The following NRP1 variants were observed in gnomAD, a reference collection of about 807,000 sequenced individuals.
The protein encoded by NRP1 is neuropilin-1.
NRP1 carries 35 observed loss-of-function variants against 106.7 expected under a neutral mutation model. That is an observed-to-expected ratio of 0.33 (90% CI 0.25 to 0.43). NRP1 has a LOEUF of 0.43. NRP1 is among the 20% of genes least tolerant of loss of function. The pLI is 1.00. For synonymous variants in NRP1, 437 were observed against 417.9 expected, an observed-to-expected ratio of 1.05 and a Z score of -0.56; for missense variants, 1,024 against 1,170.4, an observed-to-expected ratio of 0.87 and a Z score of 1.83.
chr10:33,263,709 T>G lies in NRP1; in HGVS notation c.595A>C (p.Asn199His), dbSNP rs1842731254. 1.2e-6 allele frequency: 2 copies of G among 1,614,196 alleles called. No homozygotes were observed. The highest frequency in any genetic ancestry group is 4.5e-5 in the East Asian group (2 of 44,872). Residue 199 changes from asparagine to histidine, a missense_variant, in exon 4 of 17, where the codon AAT becomes CAT. Asn to His is a moderately conservative substitution (Grantham distance 68). Around this residue, in one of 5 missense-constraint regions of NRP1, gnomAD observed 279 missense variants for 327.4 expected, o/e 0.85. Transcript: ENST00000374867. ...FESFDLEPDS[N>H]PPGGMFCRYD... ...CGACAGAACATCCCCCCTGGAGGAT[T>G]TGAGTCAGGCTCCAGGTCAAAGCTT...
chr10:33,238,933 A>G (rs3222381), intron 6 of NRP1, among the ~76,000 whole-genome samples: 15 of 112,192 alleles, frequency 1.3e-4, no homozygotes, highest in East Asian at 3.0e-4. Flanking sequence ...GTGTGTGTGT[A>G]TGTGTGCGCA....
At chr10:33,255,477 C>T (rs1842135229) in intron 5 of NRP1, among the ~76,000 whole-genome samples, 1 of 152,080 alleles carries the variant, frequency 6.6e-6, no homozygotes, top group Admixed American at 6.6e-5. Context: ...GTTCTTGAGA[C>T]TGGGTCTCAC....
chr10:33,249,093 T>G (rs980142255), intron 6 of NRP1, among the ~76,000 whole-genome samples: 4 of 146,720 alleles, frequency 2.7e-5, no homozygotes, highest in Non-Finnish European at 4.5e-5. Flanking sequence ...TGTTTTTTTT[T>G]TTTTTTTTTT....
At chr10:33,316,146 A>C (rs533453389) in intron 2 of NRP1, among the ~76,000 whole-genome samples, 33 of 152,332 alleles carry the variant, frequency 2.2e-4, no homozygotes, top group Admixed American at 3.9e-4. Context: ...AAGAAGGAGG[A>C]AAACCTCTTC....
chr10:33,178,315 G>C lies in NRP1; in HGVS notation c.*1761C>G, dbSNP rs758675069. On this transcript the variant is annotated 3_prime_UTR_variant, in exon 17 of 17. Coordinates refer to ENST00000374867, the MANE Select transcript of NRP1 (RefSeq NM_003873.7). ...CCAAAACCAACCAAAGCTTCTTTGG[G>C]TTAATTCATAGGCTGCCTGGTAAGA... 6.6e-6 allele frequency: 1 copy of C among 152,198 alleles called. No individual in the cohort carries two copies. The highest frequency in any genetic ancestry group is 1.5e-5 in the Non-Finnish European group (1 of 68,034). The allele number at this position is 152,198 out of a possible 1,614,324, so 9.4% of individuals were successfully genotyped here. A position where few individuals can be genotyped will look rare whatever the true frequency, so the allele number is the denominator to read the frequency against.
chr10:33,315,681 A>G (rs1339169380), intron 2 of NRP1, among the ~76,000 whole-genome samples: 4 of 152,094 alleles, frequency 2.6e-5, no homozygotes, highest in Non-Finnish European at 5.9e-5. Context: ...ACATGAATGA[A>G]GTATAAAAAC....
chr10:33,304,155 C>T (rs183731152), intron 2 of NRP1, among the ~76,000 whole-genome samples: 12 of 152,238 alleles, frequency 7.9e-5, no homozygotes, highest in South Asian at 6.2e-4. Flanking sequence ...TTGAAAATAA[C>T]GGAAAGACAT....
chr10:33,249,962 T>C (rs1841729348), intron 6 of NRP1, among the ~76,000 whole-genome samples: 1 of 152,208 alleles, frequency 6.6e-6, no homozygotes, highest in African/African-American at 2.4e-5. Context: ...AGCTTGTTCC[T>C]GTCTTGATGG....
intron 6 of NRP1, among the ~76,000 whole-genome samples, chr10:33,241,001 T>C (rs1429010719): frequency 6.6e-6 from 1 of 152,208 alleles, no homozygotes; most frequent in African/African-American, 2.4e-5. Context: ...TGATTTGTTT[T>C]TGAAGCTCAC....
chr10:33,254,131 G>A lies in NRP1; in HGVS notation c.878C>T (p.Ala293Val), dbSNP rs1047454308. Reference protein sequence around the residue: ...SGEIHSDQITASSQYSTNWSA... With the variant: ...SGEIHSDQITVSSQYSTNWSA... ...CCAGTTGGTGCTATACTGGGAAGAA[G>A]CTGTGATCTGGTCAGAATGAATTTC... The change falls in exon 6 of 17, where the codon GCT becomes GTT. Residue 293 changes from alanine to valine, a missense_variant. Ala to Val is a moderately conservative substitution (Grantham distance 64). Around this residue, in one of 5 missense-constraint regions of NRP1, gnomAD observed 562 missense variants for 620.3 expected, o/e 0.91. Transcript: ENST00000374867. 2 of 1,614,024 alleles carry A rather than the reference G, an allele frequency of 1.2e-6. No homozygotes were observed. The highest frequency in any genetic ancestry group is 1.7e-4 in the Middle Eastern group (1 of 6,022).
chr10:33,189,243 A>G (rs1415318373), intron 13 of NRP1, among the ~76,000 whole-genome samples: 1 of 152,024 alleles, frequency 6.6e-6, no homozygotes, highest in East Asian at 1.9e-4. Context: ...TTCCTTGTCA[A>G]TCTCATTAGG....
intron 2 of NRP1, among the ~76,000 whole-genome samples, chr10:33,314,991 T>A (rs1316476267): frequency 2.0e-5 from 3 of 152,200 alleles, no homozygotes; most frequent in Admixed American, 2.0e-4. Flanking sequence ...TAAAGGTGGT[T>A]TGGACCTGAG....
At chr10:33,185,496 G>C (rs770896491) in intron 15 of NRP1, 132 bp downstream of exon 15, 8 of 643,976 alleles carry the variant, frequency 1.2e-5, no homozygotes, top group African/African-American at 3.7e-5. Flanking sequence ...ACCAGAATAC[G>C]CATTTCCTAT....
chr10:33,299,953 G>A (rs1845686081), intron 2 of NRP1, among the ~76,000 whole-genome samples: 2 of 152,136 alleles, frequency 1.3e-5, no homozygotes, highest in Admixed American at 6.5e-5. Flanking sequence ...CTAAAGAGAC[G>A]GCTGTAAAAA....
At chr10:33,304,022 CA>C (rs1189878471) in intron 2 of NRP1, among the ~76,000 whole-genome samples, 2 of 152,282 alleles carry the variant, frequency 1.3e-5, no homozygotes, top group African/African-American at 4.8e-5. Context: ...GTTTTTCCTT[CA>C]AGCTATAAAT....
chr10:33,181,972 G>T (rs1214426971), intron 16 of NRP1, among the ~76,000 whole-genome samples: 1 of 152,054 alleles, frequency 6.6e-6, no homozygotes, highest in African/African-American at 2.4e-5. Flanking sequence ...GGTGGTGTGG[G>T]CCTGTAGTCT....
At chr10:33,182,839 A>G in intron 15 of NRP1, 91 bp from the exon 16 acceptor site, 1 of 728,406 alleles carries the variant, frequency 1.4e-6, no homozygotes. Flanking sequence ...ACATGCACAC[A>G]CACACACACA....
chr10:33,280,627 T>C (rs1319983433), intron 2 of NRP1, among the ~76,000 whole-genome samples: 1 of 152,170 alleles, frequency 6.6e-6, no homozygotes, highest in African/African-American at 2.4e-5. Context: ...TTTGTACATA[T>C]TTACTTCCTT....
intron 2 of NRP1, among the ~76,000 whole-genome samples, chr10:33,312,645 C>T (rs891166398): frequency 6.6e-6 from 1 of 152,214 alleles, no homozygotes; most frequent in Non-Finnish European, 1.5e-5. Context: ...ACCACAATTT[C>T]AGAAAATTAT....
Sources: allele counts gnomAD v4.1 joint callset (sites outside exome capture counted in the v4.1 genomes callset), GRCh38; gene constraint gnomAD v4.1.1; regional missense constraint gnomAD v4.1.1; transcripts MANE v1.5; gene names NCBI Gene and HGNC (gene_info 2026-07-23, HGNC 2026-07-21).